Variants in CYP11B1 observed in about 807,000 individuals in gnomAD.
The protein encoded by CYP11B1 is cytochrome P450 11B1, mitochondrial.
A neutral mutation model predicts 48.3 loss-of-function variants in CYP11B1; 34 were observed. That is an observed-to-expected ratio of 0.70 (90% CI 0.54 to 0.94). The LOEUF is 0.94. Among genes scored for constraint, CYP11B1 ranks in the 40% least tolerant of loss-of-function variants. The pLI is 0.00. For missense variants in CYP11B1, 688 were observed against 657.4 expected (o/e 1.05, Z -0.51); for synonymous variants, 291 against 262.5 (o/e 1.11, Z -1.05).
rs751047685 is a variant in CYP11B1 at position 142,876,360 on chromosome 8, C to T, written c.835G>A (p.Ala279Thr). 1.9e-5 allele frequency: 30 copies of T among 1,614,014 alleles called. No homozygotes were observed. The highest frequency in any genetic ancestry group is 2.5e-5 in the Non-Finnish European group (30 of 1,179,994). ...NCIQKIYQEL[A>T]FSRPQQYTSI... ...GTGTACTGTTGAGGGCGGCTGAAGG[C>T]CAGTTCCTGATAGATTTTCTGGATA... The change falls in exon 5 of 9, where the codon GCC becomes ACC. Residue 279 changes from alanine (A) to threonine (T), a missense_variant. Transcript: ENST00000292427.
Position 142,874,945 on chromosome 8 carries a change from G to T in CYP11B1, c.1398+12C>A, listed in dbSNP as rs769028095. ...CCCCGCCCAGGCCCCTCCCCAGCCC[G>T]GGCCTGCTCACATGGTGCAGCAGCA... On this transcript the variant is annotated intron_variant, in intron 8 of 8. Transcript: ENST00000292427. 2.5e-6 allele frequency: 4 copies of T among 1,612,390 alleles called. No homozygotes were observed. The highest frequency in any genetic ancestry group is 2.7e-5 in the African/African-American group (2 of 75,004).
At chr8:142,875,385 C>T in intron 6 of CYP11B1, 73 bp from the exon 7 acceptor site, 1 of 1,463,942 alleles carries the variant, frequency 6.8e-7, no homozygotes. Flanking sequence ...ACCCTTCCTA[C>T]CGAAGAACCC....
chr8:142,876,105 T>A, intron 5 of CYP11B1, 136 bp downstream of exon 5: 1 of 1,332,912 alleles, frequency 7.5e-7, no homozygotes, highest in South Asian at 1.2e-5. Context: ...GTTTATCACA[T>A]CACAATCCCA....
intron 2 of CYP11B1, 36 bp downstream of exon 2, chr8:142,878,996 G>T (rs766731958): frequency 1.2e-6 from 2 of 1,612,518 alleles, no homozygotes; most frequent in Non-Finnish European, 8.5e-7. Flanking sequence ...CACCCAGGCT[G>T]CCCACCCTGC....
rs1816917259 is a variant in CYP11B1, at chr8:142,875,704, G to A, written c.1121+8C>T. The A allele has an allele frequency of 6.2e-7, 1 of 1,613,580 alleles. No homozygotes were observed. On this transcript the variant is annotated splice_region_variant and intron_variant, in intron 6 of 8. Transcript: ENST00000292427. Reference sequence around the variant, plus strand: ...CAGGGCCACAGGGAGGCCTCAGCCAGCACCCACCGCAAGGTCTCCTTGAGG... The same window carrying A: ...CAGGGCCACAGGGAGGCCTCAGCCAACACCCACCGCAAGGTCTCCTTGAGG...
chr8:142,879,384 G>A lies in CYP11B1; in HGVS notation c.239+191C>T, dbSNP rs775669835. The A allele has an allele frequency of 8.1e-6, 13 of 1,610,878 alleles. No individual in the cohort carries two copies. In the South Asian group the frequency reaches 1.4e-4, roughly 18 times the overall value. On this transcript the variant is annotated intron_variant, in intron 1 of 8. Transcript: ENST00000292427. ...AGTCCTGCCCTCTCTGCAGCGAGCT[G>A]GGATTTGCTCTGCACCATCCCCTGC... is the stretch of plus-strand genomic sequence containing the variant.
intron 8 of CYP11B1, 81 bp from the exon 9 acceptor site, chr8:142,874,567 CAG>C: frequency 1.0e-6 from 1 of 983,650 alleles, no homozygotes; most frequent in Admixed American, 1.7e-5. Flanking sequence ...CTCAAAGTTG[CAG>C]AGATTATGCT....
chr8:142,875,124 C>T lies in CYP11B1; in HGVS notation c.1231G>A (p.Gly411Ser). 6.2e-7 allele frequency: 1 copy of T among 1,614,238 alleles called. No individual in the cohort carries two copies. Among genetic ancestry groups the T allele is most frequent in the Non-Finnish European group, 8.5e-7 (1 of 1,180,038 alleles). Residue 411 changes from glycine (G) to serine (S), a missense_variant, in exon 8 of 9, where the codon GGT becomes AGT. Coordinates refer to ENST00000292427, the MANE Select transcript of CYP11B1 (RefSeq NM_000497.4). ...TLVRVFLYSLGRNPALFPRPE... is the reference protein window; with the variant it reads ...TLVRVFLYSLSRNPALFPRPE... The stretch of plus-strand genomic sequence containing the variant: ...CTCGGGAACAAGGCGGGGTTGCGAC[C>T]CAGAGAGTAGAGGAACACGCGCACC...
rs1186627183 is a variant in CYP11B1 at position 142,876,328 on chromosome 8, G to A, written c.867C>T (p.Ile289=). ...AFSRPQQYTS[I]VAELLLNAEL... ...CCGCATTCAACAGGAGCTCCGCCAC[G>A]ATGCTGGTGTACTGTTGAGGGCGGC... The change falls in exon 5 of 9, where the codon ATC becomes ATT. Residue 289 remains isoleucine (I), a synonymous_variant. Transcript: ENST00000292427. 6 of 1,614,210 alleles carry A rather than the reference G, an allele frequency of 3.7e-6. No individual in the cohort carries two copies. Among genetic ancestry groups the A allele is most frequent in the South Asian group, 2.2e-5 (2 of 91,080 alleles).
In CYP11B1 at chr8:142,873,794, G is replaced by A; in HGVS notation, c.*579C>T. 6.0e-6 allele frequency: 1 copy of A among 166,620 alleles called. No individual in the cohort carries two copies. Among genetic ancestry groups the A allele is most frequent in the Admixed American group, 5.5e-5 (1 of 18,224 alleles). The allele number at this position is 166,620 out of a possible 1,614,324, so 10.3% of individuals were successfully genotyped here. ...ACTCAGTTGTATCACTTGAAAATGG[G>A]GATGTCAGGACAAGTGACCACAGGG... is the stretch of plus-strand genomic sequence containing the variant. On this transcript the variant is annotated 3_prime_UTR_variant, in exon 9 of 9. Transcript: ENST00000292427.
intron 5 of CYP11B1, 54 bp from the exon 6 acceptor site, chr8:142,875,932 G>C: frequency 6.2e-7 from 1 of 1,608,000 alleles, no homozygotes; most frequent in South Asian, 1.1e-5. Flanking sequence ...CTCAGCCCCC[G>C]GGACACCCCT....
chr8:142,874,129 G>T lies in CYP11B1; in HGVS notation c.*244C>A. Reference sequence around the variant, plus strand: ...ACTGCCCAGAGGACAGTGCTTGCTGGAGAAAGGGCCAGGTGGGGCTGGGGA... The same window carrying T: ...ACTGCCCAGAGGACAGTGCTTGCTGTAGAAAGGGCCAGGTGGGGCTGGGGA... On this transcript the variant is annotated 3_prime_UTR_variant, in exon 9 of 9. Coordinates refer to ENST00000292427, the MANE Select transcript of CYP11B1 (RefSeq NM_000497.4). 1.8e-6 allele frequency: 1 copy of T among 569,308 alleles called. No homozygotes were observed. The allele number at this position is 569,308 out of a possible 1,614,324, so 35.3% of individuals were successfully genotyped here.
In CYP11B1 at chr8:142,874,336, T is replaced by G. The variant is rs781236242; in HGVS notation, c.*37A>C. ...CCTGGGGTCAGGCAGAAAGGGAGGC[T>G]GGTGGCCAGGCTGGGACCCTGGGTG... On this transcript the variant is annotated 3_prime_UTR_variant, in exon 9 of 9. Coordinates refer to ENST00000292427, the MANE Select transcript of CYP11B1 (RefSeq NM_000497.4). 9 of 1,456,054 alleles carry G rather than the reference T, an allele frequency of 6.2e-6. No homozygotes were observed. The highest frequency in any genetic ancestry group is 8.7e-6 in the Non-Finnish European group (9 of 1,035,744). The allele number at this position is 1,456,054 out of a possible 1,614,324, so 90.2% of individuals were successfully genotyped here.
chr8:142,874,770 C>G (rs547320735), intron 8 of CYP11B1, among the ~76,000 whole-genome samples, 187 bp downstream of exon 8: 32 of 152,234 alleles, frequency 2.1e-4, no homozygotes, highest in Admixed American at 1.9e-3. Flanking sequence ...ACGCTCCTCA[C>G]CATACCAACT....
rs1259702893 is a variant in CYP11B1, at chr8:142,875,483, G to A, written c.1122-171C>T. ...CCCGGCCAAACCTCCCCTAACTTAA[G>A]CAGCCCCGAGCGCAGAAGGACATGC... is the stretch of plus-strand genomic sequence containing the variant. On this transcript the variant is annotated intron_variant, in intron 6 of 8. Coordinates refer to ENST00000292427, the MANE Select transcript of CYP11B1 (RefSeq NM_000497.4). 1.3e-5 allele frequency: 14 copies of A among 1,073,850 alleles called. No homozygotes were observed. The South Asian group carries it at 1.9e-4, about 15-fold the overall frequency. The allele number at this position is 1,073,850 out of a possible 1,614,324, so 66.5% of individuals were successfully genotyped here.
chr8:142,876,014 C>T (rs749195494), intron 5 of CYP11B1, 136 bp from the exon 6 acceptor site: 3 of 1,224,372 alleles, frequency 2.5e-6, no homozygotes, highest in Non-Finnish European at 1.2e-6. Context: ...GACTTCAAAT[C>T]CTAATGCCCA....
In CYP11B1 at chr8:142,874,502, G is replaced by A. The variant is rs1160195214; in HGVS notation, c.1399-16C>T. The A allele has an allele frequency of 1.3e-6, 2 of 1,578,498 alleles. No individual in the cohort carries two copies. Among genetic ancestry groups the A allele is most frequent in the Non-Finnish European group, 1.7e-6 (2 of 1,147,524 alleles). ...GTTTCAGCACCTAGGACAGAAGCCGGGTTTCCATCTGGCTTGGTCCGCAGC... is the reference window on the plus strand; with the variant it reads ...GTTTCAGCACCTAGGACAGAAGCCGAGTTTCCATCTGGCTTGGTCCGCAGC... On this transcript the variant is annotated splice_polypyrimidine_tract_variant and intron_variant, in intron 8 of 8. Coordinates refer to ENST00000292427, the MANE Select transcript of CYP11B1 (RefSeq NM_000497.4).
In CYP11B1 at chr8:142,873,846, C is replaced by G. The variant is rs3802229; in HGVS notation, c.*527G>C. On this transcript the variant is annotated 3_prime_UTR_variant, in exon 9 of 9. Transcript: ENST00000292427. Reference sequence around the variant, plus strand: ...CCTTTTTATTCTACCCTGCAGGACCCTATTCCAGGGTGACAACTTTCAGAG... The same window carrying G: ...CCTTTTTATTCTACCCTGCAGGACCGTATTCCAGGGTGACAACTTTCAGAG... 2.0e-5 allele frequency: 4 copies of G among 197,722 alleles called. No homozygotes were observed. The highest frequency in any genetic ancestry group is 1.1e-4 in the East Asian group (1 of 9,008). The allele number at this position is 197,722 out of a possible 1,614,324, so 12.2% of individuals were successfully genotyped here.
At position 142,875,283 on chromosome 8, in the gene CYP11B1, C is replaced by T. The variant is rs764598023; in HGVS notation, c.1151G>A (p.Arg384Gln). ...AAGCACCAAGTCTGAGCTCGCCACT[C>T]GCTCCAGAAACAGACCCACAGGGTA... The part of the protein sequence containing the change: ...RLYPVGLFLE[R>Q]VASSDLVLQN... The change falls in exon 7 of 9, where the codon CGA (arginine) becomes CAA (glutamine). Residue 384 changes from arginine (R) to glutamine (Q), a missense_variant. Arg to Gln is a conservative substitution (Grantham distance 43, BLOSUM62 1). Coordinates refer to ENST00000292427, the MANE Select transcript of CYP11B1 (RefSeq NM_000497.4). 4 of 1,613,590 alleles carry T rather than the reference C, an allele frequency of 2.5e-6. No homozygotes were observed. Among genetic ancestry groups the T allele is most frequent in the Admixed American group, 1.7e-5 (1 of 59,970 alleles).
Sources: allele counts gnomAD v4.1 joint callset (sites outside exome capture counted in the v4.1 genomes callset), GRCh38; gene constraint gnomAD v4.1.1; transcripts MANE v1.5; gene names NCBI Gene and HGNC (gene_info 2026-07-23, HGNC 2026-07-21).